NRG1: variants seen among roughly 807,000 people sequenced by gnomAD.
NRG1 encodes neuregulin 1.
Under a neutral mutation model 63.8 loss-of-function variants are expected in NRG1, and 18 were observed. That is an observed-to-expected ratio of 0.28 (90% confidence interval 0.19 to 0.42). The LOEUF is 0.42. Ranked by LOEUF, NRG1 falls within the 10% of genes least tolerant of loss-of-function variation. NRG1 has a pLI of 1.00. For synonymous variants in NRG1, 302 were observed against 301.3 expected, an observed-to-expected ratio of 1.00 and a Z score of -0.02; for missense variants, 762 against 814.7, an observed-to-expected ratio of 0.94 and a Z score of 0.79.
At chr8:32,678,589 CATT>C (rs1288149409) in intron 5 of NRG1, among the ~76,000 whole-genome samples, 3 of 152,120 alleles carry the variant, frequency 2.0e-5, no homozygotes, top group South Asian at 4.1e-4. Flanking sequence ...GAAGCACTCT[CATT>C]ATATACAAGG....
intron 1 of NRG1, among the ~76,000 whole-genome samples, chr8:32,364,388 A>G (rs1268266083): frequency 2.0e-5 from 3 of 152,018 alleles, no homozygotes; most frequent in South Asian, 2.1e-4. Context: ...CAAAATATAC[A>G]TATACCTCTT....
chr8:32,232,792 A>T (rs932255085), intron 1 of NRG1, among the ~76,000 whole-genome samples: 1 of 152,094 alleles, frequency 6.6e-6, no homozygotes, highest in Non-Finnish European at 1.5e-5. Flanking sequence ...ATTACTCAGG[A>T]TCCCTTACAT....
chr8:32,631,638 T>C (rs1441147940), intron 5 of NRG1, among the ~76,000 whole-genome samples: 1 of 152,198 alleles, frequency 6.6e-6, no homozygotes, highest in African/African-American at 2.4e-5. Flanking sequence ...GATTAGAACC[T>C]GAGTCCATGA....
chr8:31,883,130 A>G (rs370228802), intron 1 of NRG1, among the ~76,000 whole-genome samples: 11 of 152,238 alleles, frequency 7.2e-5, no homozygotes, highest in African/African-American at 2.6e-4. Context: ...CTTTAAAAAA[A>G]CAATTAGCAC....
At chr8:32,241,903 T>A (rs1848136999) in intron 1 of NRG1, among the ~76,000 whole-genome samples, 1 of 151,754 alleles carries the variant, frequency 6.6e-6, no homozygotes, top group Admixed American at 6.6e-5. Flanking sequence ...GGACTACAGG[T>A]CCCAGGTGCC....
At chr8:32,149,681 C>T (rs116740191) in intron 1 of NRG1, among the ~76,000 whole-genome samples, 3,644 of 152,070 alleles carry the variant, frequency 0.024, 109 homozygotes, top group African/African-American at 0.073. Flanking sequence ...AAGAAAAAGG[C>T]GGAAGAATGA....
chr8:31,927,958 T>C (rs910067381), intron 1 of NRG1, among the ~76,000 whole-genome samples: 18 of 148,360 alleles, frequency 1.2e-4, no homozygotes, highest in African/African-American at 4.5e-4. Flanking sequence ...TGTTGGTGTG[T>C]GCACCCATTA....
intron 1 of NRG1, among the ~76,000 whole-genome samples, chr8:32,491,155 T>G (rs1337061853): frequency 6.6e-6 from 1 of 152,198 alleles, no homozygotes; most frequent in Admixed American, 6.5e-5. Context: ...GGACCTAGCA[T>G]GTTGTGTGAG....
At chr8:31,967,630 G>T (rs1170392174) in intron 1 of NRG1, among the ~76,000 whole-genome samples, 1 of 152,152 alleles carries the variant, frequency 6.6e-6, no homozygotes, top group East Asian at 1.9e-4. Flanking sequence ...AAACCAGAAG[G>T]CAGGGTGAGG....
chr8:32,121,072 A>G (rs1833383194), intron 1 of NRG1, among the ~76,000 whole-genome samples: 1 of 151,966 alleles, frequency 6.6e-6, no homozygotes, highest in Non-Finnish European at 1.5e-5. Context: ...GTGGTTATAA[A>G]TTGCACTGAT....
chr8:32,389,759 CTTTTTTTT>C (rs201406660), intron 1 of NRG1, among the ~76,000 whole-genome samples: 1 of 145,728 alleles, frequency 6.9e-6, no homozygotes, highest in African/African-American at 2.5e-5. Flanking sequence ...GTCTTTCTTT[CTTTTTTTT>C]TTTTTTTTTT....
At chr8:31,801,203 T>G (rs1451203926) in intron 1 of NRG1, among the ~76,000 whole-genome samples, 1 of 152,154 alleles carries the variant, frequency 6.6e-6, no homozygotes. Context: ...ATTGGAATCA[T>G]ACTGTGCATA....
At chr8:31,703,143 A>G (rs1365814571) in intron 1 of NRG1, among the ~76,000 whole-genome samples, 1 of 150,054 alleles carries the variant, frequency 6.7e-6, no homozygotes, top group African/African-American at 2.5e-5. Flanking sequence ...TAGATCTAAG[A>G]ACCTTAGTTA....
At position 31,773,751 on chromosome 8, in the gene NRG1, A is replaced by G. The variant is rs1586308055; in HGVS notation, c.37+134320A>G. Among the ~76,000 whole-genome samples, 4 of 151,768 alleles carry G rather than the reference A, an allele frequency of 2.6e-5. No homozygotes were observed. In the East Asian group the frequency reaches 7.7e-4, roughly 29 times the overall value. ...AAGTCCTTCCTATCTTTTCAAATCCAGATTTTACATTCGAATATCCTTCAG... is the reference window on the plus strand; with the variant it reads ...AAGTCCTTCCTATCTTTTCAAATCCGGATTTTACATTCGAATATCCTTCAG... On this transcript the variant is annotated intron_variant, in intron 1 of 10. Transcript: ENST00000519301.
At chr8:32,257,531 C>T (rs1168311225) in intron 1 of NRG1, among the ~76,000 whole-genome samples, 2 of 152,022 alleles carry the variant, frequency 1.3e-5, no homozygotes, top group African/African-American at 4.8e-5. Flanking sequence ...TTAAGATATT[C>T]TTCTTTACAT....
At chr8:31,930,960 C>T (rs886155606) in intron 1 of NRG1, among the ~76,000 whole-genome samples, 1 of 152,086 alleles carries the variant, frequency 6.6e-6, no homozygotes, top group South Asian at 2.1e-4. Flanking sequence ...ATTGTTGGTT[C>T]CTGCTTATGT....
At chr8:32,721,842 C>T (rs1186259567) in intron 5 of NRG1, 1 of 1,380,632 alleles carries the variant, frequency 7.2e-7, no homozygotes, top group Non-Finnish European at 9.4e-7. Flanking sequence ...GCTCTTTCTG[C>T]TCAGCTTCTG....
At chr8:31,908,938 A>C (rs976342831) in intron 1 of NRG1, among the ~76,000 whole-genome samples, 2 of 152,188 alleles carry the variant, frequency 1.3e-5, no homozygotes, top group Non-Finnish European at 2.9e-5. Flanking sequence ...TTTCAAATAT[A>C]TAATTTTTTG....
intron 1 of NRG1, among the ~76,000 whole-genome samples, chr8:32,027,569 G>T (rs962012479): frequency 5.4e-5 from 8 of 149,492 alleles, no homozygotes; most frequent in African/African-American, 2.0e-4. Context: ...GCCAAGTTAG[G>T]TGGGATATAT....
Sources: gnomAD v4.1 joint callset for allele counts (sites outside exome capture counted in the v4.1 genomes callset) on GRCh38, gnomAD v4.1.1 for gene constraint, MANE v1.5 for transcripts, NCBI Gene and HGNC (gene_info 2026-07-23, HGNC 2026-07-21) for gene names.